The following POU2AF2 variants were observed in gnomAD, a reference collection of about 807,000 sequenced individuals.
POU2AF2 encodes the protein POU class 2 homeobox associating factor 2, also known as POU domain class 2-associating factor 2.
the POU2AF2 span, among the ~76,000 whole-genome samples, chr11:111,277,272 G>C: frequency 6.6e-6 from 1 of 152,162 alleles, no homozygotes; most frequent in Non-Finnish European, 1.5e-5. Context: ...AGTACAAAAA[G>C]CTTCATCAAG....
chr11:111,250,191 T>C, the POU2AF2 span, among the ~76,000 whole-genome samples: 3 of 152,076 alleles, frequency 2.0e-5, no homozygotes, highest in Admixed American at 2.0e-4. Flanking sequence ...TTGGGGGGTG[T>C]GTGTGTCTTT....
chr11:111,284,297 G>A, the POU2AF2 span: 2 of 1,613,494 alleles, frequency 1.2e-6, no homozygotes, highest in Non-Finnish European at 1.7e-6. Flanking sequence ...GACGCCCAAC[G>A]CGGGCTCTCT....
chr11:111,263,743 T>C, the POU2AF2 span, among the ~76,000 whole-genome samples: 1 of 152,146 alleles, frequency 6.6e-6, no homozygotes, highest in Admixed American at 6.5e-5. Context: ...AAGTTCATAT[T>C]CTAAGACATA....
At chr11:111,270,355 C>G in the POU2AF2 span, among the ~76,000 whole-genome samples, 1,565 of 152,282 alleles carry the variant, frequency 0.01, 29 homozygotes, top group African/African-American at 0.035. Flanking sequence ...TCATTTTACC[C>G]CTACACATTT....
chr11:111,261,056 T>C, the POU2AF2 span, among the ~76,000 whole-genome samples: 2 of 152,258 alleles, frequency 1.3e-5, no homozygotes, highest in African/African-American at 4.8e-5. Flanking sequence ...CAAAAGAGAC[T>C]TTTACCAAAG....
the POU2AF2 span, among the ~76,000 whole-genome samples, chr11:111,281,854 G>A: frequency 6.6e-6 from 1 of 152,106 alleles, no homozygotes. Context: ...TACTCCTGTG[G>A]GGATGTAAAA....
chr11:111,252,473 T>G, the POU2AF2 span, among the ~76,000 whole-genome samples: 1 of 152,028 alleles, frequency 6.6e-6, no homozygotes, highest in Non-Finnish European at 1.5e-5. Context: ...TTCTTTGACT[T>G]GTCTGTCTGG....
chr11:111,265,477 T>C, the POU2AF2 span, among the ~76,000 whole-genome samples: 1 of 152,138 alleles, frequency 6.6e-6, no homozygotes, highest in Admixed American at 6.5e-5. Flanking sequence ...CTGACTCTTG[T>C]GTGTGAAATT....
chr11:111,276,446 AAAAAAAAATATATAT>A, the POU2AF2 span, among the ~76,000 whole-genome samples: 15 of 35,086 alleles, frequency 4.3e-4, no homozygotes, highest in African/African-American at 1.0e-3. Flanking sequence ...AAAGAAAAAA[AAAAAAAAATATATAT>A]ATATATATAT....
the POU2AF2 span, among the ~76,000 whole-genome samples, chr11:111,271,750 C>T: frequency 1.3e-5 from 2 of 152,096 alleles, no homozygotes; most frequent in Non-Finnish European, 2.9e-5. Context: ...TGGTGGCTCA[C>T]GCCTGTAATT....
chr11:111,284,502 C>T, the POU2AF2 span: 1 of 1,181,468 alleles, frequency 8.5e-7, no homozygotes, highest in Admixed American at 2.9e-5. Flanking sequence ...CCAGAGGCTG[C>T]TTTGCAGCTG....
the POU2AF2 span, chr11:111,285,879 C>G: frequency 6.2e-7 from 1 of 1,611,236 alleles, no homozygotes; most frequent in Non-Finnish European, 8.5e-7. Flanking sequence ...TACCCTACCC[C>G]GCCTCCTTAC....
chr11:111,248,925 A>G, the POU2AF2 span, among the ~76,000 whole-genome samples: 7 of 152,228 alleles, frequency 4.6e-5, no homozygotes, highest in Non-Finnish European at 7.3e-5. Context: ...TTGAAAAACA[A>G]TCTTAAGGTA....
the POU2AF2 span, among the ~76,000 whole-genome samples, chr11:111,267,845 G>C: frequency 6.6e-6 from 1 of 152,144 alleles, no homozygotes; most frequent in Admixed American, 6.5e-5. Context: ...TTTCCTTAAG[G>C]CTTTACCTTC....
At chr11:111,284,231 C>T in the POU2AF2 span, 4 of 1,614,112 alleles carry the variant, frequency 2.5e-6, no homozygotes, top group African/African-American at 5.3e-5. Flanking sequence ...CCATGCGGCT[C>T]TCCTGGAGCC....
At chr11:111,277,492 G>C in the POU2AF2 span, among the ~76,000 whole-genome samples, 1 of 152,248 alleles carries the variant, frequency 6.6e-6, no homozygotes, top group African/African-American at 2.4e-5. Flanking sequence ...ATGTCAAAAG[G>C]TGAAGGGGCT....
At chr11:111,276,453 A>AAAATATATATATATAT in the POU2AF2 span, among the ~76,000 whole-genome samples, 154 of 37,244 alleles carry the variant, frequency 4.1e-3, 2 homozygotes, top group South Asian at 6.7e-3. Context: ...AAAAAAAAAA[A>AAAATATATATATATAT]ATATATATAT....
chr11:111,270,225 A>T, the POU2AF2 span, among the ~76,000 whole-genome samples: 1 of 152,262 alleles, frequency 6.6e-6, no homozygotes, highest in Non-Finnish European at 1.5e-5. Flanking sequence ...TTGCACCAAC[A>T]AGTTAATGAA....
chr11:111,273,930 G>A, the POU2AF2 span, among the ~76,000 whole-genome samples: 2 of 152,196 alleles, frequency 1.3e-5, no homozygotes, highest in South Asian at 4.1e-4. Flanking sequence ...GTTGTTTGCA[G>A]TATGCAAAAT....
Sources: allele counts gnomAD v4.1 joint callset (sites outside exome capture counted in the v4.1 genomes callset), GRCh38; gene constraint gnomAD v4.1.1; transcripts MANE v1.5; gene names NCBI Gene and HGNC (gene_info 2026-07-23, HGNC 2026-07-21).